Variants in DHX9 observed in about 807,000 individuals in gnomAD.
DHX9 encodes ATP-dependent RNA helicase A.
A neutral mutation model predicts 148.7 loss-of-function variants in DHX9; 27 were observed. The ratio of observed to expected loss-of-function variants is 0.18; its 90% CI spans 0.13 to 0.25. DHX9 has a LOEUF of 0.25. Among genes scored for constraint, DHX9 ranks in the 10% least tolerant of loss-of-function variants. The pLI is 1.00. For synonymous variants in DHX9, 529 were observed against 516.6 expected (o/e 1.02, Z -0.33); for missense variants, 796 against 1,559.6 (o/e 0.51, Z 8.25).
chr1:182,847,257 T>C (rs1421376923), intron 3 of DHX9, among the ~76,000 whole-genome samples: 1 of 152,210 alleles, frequency 6.6e-6, no homozygotes, highest in Admixed American at 6.5e-5. Context: ...TGGATCACAT[T>C]TTCCTCTTTG....
intron 12 of DHX9, among the ~76,000 whole-genome samples, chr1:182,860,912 A>G (rs772332944): frequency 4.6e-5 from 7 of 152,194 alleles, no homozygotes; most frequent in Non-Finnish European, 2.9e-5. Context: ...GAGCATTGCA[A>G]ATAGCCAGGT....
intron 20 of DHX9, among the ~76,000 whole-genome samples, chr1:182,878,421 AC>A (rs1371558259): frequency 6.6e-6 from 1 of 152,180 alleles, no homozygotes; most frequent in Non-Finnish European, 1.5e-5. Flanking sequence ...CTAAGTGGTT[AC>A]TCCTTAGGCC....
intron 12 of DHX9, among the ~76,000 whole-genome samples, chr1:182,862,935 A>G (rs1668388980): frequency 6.6e-6 from 1 of 152,238 alleles, no homozygotes; most frequent in Admixed American, 6.5e-5. Flanking sequence ...GTTAAAGCAG[A>G]CAGAAGTGTG....
chr1:182,842,440 G>T (rs1289289102), intron 1 of DHX9, 105 bp from the exon 2 acceptor site: 8 of 604,836 alleles, frequency 1.3e-5, no homozygotes, highest in African/African-American at 3.7e-5. Flanking sequence ...ATAGCAACAT[G>T]ATAGAATATC....
At chr1:182,854,229 A>T in intron 6 of DHX9, 51 bp downstream of exon 6, 1 of 1,510,076 alleles carries the variant, frequency 6.6e-7, no homozygotes, top group Non-Finnish European at 9.0e-7. Context: ...GTGGTTTTGG[A>T]TATTCACTGT....
At chr1:182,863,871 T>C (rs1249724813) in intron 12 of DHX9, among the ~76,000 whole-genome samples, 1 of 152,126 alleles carries the variant, frequency 6.6e-6, no homozygotes, top group African/African-American at 2.4e-5. Flanking sequence ...TAGAATAATT[T>C]TTTAAAAATC....
intron 1 of DHX9, among the ~76,000 whole-genome samples, chr1:182,841,745 C>T (rs945978739): frequency 5.3e-5 from 8 of 152,190 alleles, no homozygotes; most frequent in African/African-American, 1.7e-4. Flanking sequence ...TAAATGTGGT[C>T]TCATATCTTG....
At chr1:182,845,394 C>T (rs1341906001) in intron 3 of DHX9, among the ~76,000 whole-genome samples, 1 of 151,476 alleles carries the variant, frequency 6.6e-6, no homozygotes. Flanking sequence ...TTCTGGGGTA[C>T]CAGATATTTT....
chr1:182,844,576 T>TG (rs1667993081), intron 3 of DHX9, among the ~76,000 whole-genome samples: 1 of 152,134 alleles, frequency 6.6e-6, no homozygotes, highest in Admixed American at 6.5e-5. Context: ...GACGGAGTCT[T>TG]GCTCTGTTAC....
At chr1:182,856,125 G>A (rs1022981374) in intron 6 of DHX9, among the ~76,000 whole-genome samples, 5 of 152,214 alleles carry the variant, frequency 3.3e-5, no homozygotes, top group Admixed American at 6.5e-5. Flanking sequence ...GGTGGCCTAT[G>A]CAAAGGAATC....
intron 12 of DHX9, among the ~76,000 whole-genome samples, chr1:182,862,587 TAGAG>T (rs1438569444): frequency 6.6e-6 from 1 of 152,208 alleles, no homozygotes; most frequent in Non-Finnish European, 1.5e-5. Flanking sequence ...CCTTAGAAGA[TAGAG>T]ATAGTGGAGC....
At chr1:182,877,749 C>A (rs927964300) in intron 19 of DHX9, 2 of 331,406 alleles carry the variant, frequency 6.0e-6, no homozygotes, top group Admixed American at 4.5e-5. Context: ...TAATGTTTAC[C>A]AAAAAAACTA....
At chr1:182,876,018 A>G in intron 16 of DHX9, 32 bp from the exon 17 acceptor site, 1 of 1,585,158 alleles carries the variant, frequency 6.3e-7, no homozygotes. Context: ...TAACTGAGAC[A>G]ATCCAAAAAT....
intron 12 of DHX9, among the ~76,000 whole-genome samples, chr1:182,864,847 T>C (rs922479753): frequency 2.6e-5 from 4 of 152,200 alleles, no homozygotes; most frequent in Non-Finnish European, 5.9e-5. Flanking sequence ...GTTTGTGTTT[T>C]ATGGGTAGTT....
At chr1:182,887,035 A>G in intron 27 of DHX9, 48 bp from the exon 28 acceptor site, 2 of 1,553,648 alleles carry the variant, frequency 1.3e-6, no homozygotes, top group Non-Finnish European at 1.8e-6. Context: ...AGTCGTTGGG[A>G]AATAATAAGA....
rs781296469 is a variant in DHX9, at chr1:182,887,209, C to T, written c.3588C>T (p.Ser1196=). The part of the protein sequence containing the change: ...GGGYSSGGYG[S]GGYGGSANSF... Reference sequence around the variant, plus strand: ...GCTATAGCAGTGGAGGCTATGGTAGCGGAGGCTATGGTGGCAGCGCCAACT... The same window carrying T: ...GCTATAGCAGTGGAGGCTATGGTAGTGGAGGCTATGGTGGCAGCGCCAACT... The change falls in exon 28 of 28, where the codon AGC becomes AGT. Residue 1196 remains serine (S), a synonymous_variant. Transcript: ENST00000367549. 12 of 1,607,614 alleles carry T rather than the reference C, an allele frequency of 7.5e-6. No individual in the cohort carries two copies. The highest frequency in any genetic ancestry group is 3.3e-5 in the South Asian group (3 of 91,056).
chr1:182,877,239 C>T (rs1488785571), intron 19 of DHX9, among the ~76,000 whole-genome samples: 2 of 152,006 alleles, frequency 1.3e-5, no homozygotes, highest in Non-Finnish European at 2.9e-5. Flanking sequence ...TAAAGATGAC[C>T]AGTGTTTAGC....
intron 14 of DHX9, 66 bp from the exon 15 acceptor site, chr1:182,872,270 CT>C (rs1321932866): frequency 7.3e-7 from 1 of 1,374,350 alleles, no homozygotes; most frequent in Non-Finnish European, 1.0e-6. Context: ...CTGTATAACT[CT>C]TTTAGGCATA....
At chr1:182,880,336 AT>A (rs1327081262) in intron 21 of DHX9, among the ~76,000 whole-genome samples, 160 bp from the exon 22 acceptor site, 1 of 152,130 alleles carries the variant, frequency 6.6e-6, no homozygotes, top group Non-Finnish European at 1.5e-5. Flanking sequence ...ATTTTGTTCT[AT>A]TTTTGAGTAC....
Sources: allele counts gnomAD v4.1 joint callset (sites outside exome capture counted in the v4.1 genomes callset), GRCh38; gene constraint gnomAD v4.1.1; transcripts MANE v1.5; gene names NCBI Gene and HGNC (gene_info 2026-07-23, HGNC 2026-07-21).